The following DRC9 variants were observed in gnomAD, a reference collection of about 807,000 sequenced individuals.
The protein encoded by DRC9 is dynein regulatory complex subunit 9, also known as dynein regulatory complex protein 9.
the DRC9 span, chr3:197,950,754 T>C: frequency 1.6e-6 from 1 of 618,922 alleles, no homozygotes; most frequent in East Asian, 2.7e-5. Flanking sequence ...CCAGCTGTTC[T>C]CTGAGGTTTG....
chr3:197,938,732 T>C, the DRC9 span: 367 of 1,613,962 alleles, frequency 2.3e-4, no homozygotes, highest in Non-Finnish European at 2.8e-4. Context: ...GTTGAGGCCA[T>C]TGGAAGTTTG....
At chr3:197,921,732 G>A in the DRC9 span, among the ~76,000 whole-genome samples, 1 of 148,786 alleles carries the variant, frequency 6.7e-6, no homozygotes, top group African/African-American at 2.5e-5. Flanking sequence ...TTTCATCTTG[G>A]TCGACCCGAC....
chr3:197,954,033 C>T, the DRC9 span: 1 of 1,613,606 alleles, frequency 6.2e-7, no homozygotes, highest in Non-Finnish European at 8.5e-7. Flanking sequence ...GCAAACCAAA[C>T]AAAACCAGAG....
the DRC9 span, chr3:197,889,691 A>C: frequency 6.2e-7 from 1 of 1,614,198 alleles, no homozygotes; most frequent in South Asian, 1.1e-5. Flanking sequence ...TCCGTATCAT[A>C]GTGCCTCGCC....
chr3:197,895,249 G>T, the DRC9 span, among the ~76,000 whole-genome samples: 3 of 152,014 alleles, frequency 2.0e-5, no homozygotes, highest in Non-Finnish European at 2.9e-5. Flanking sequence ...GGTATTTTTT[G>T]CAATTCTATT....
the DRC9 span, among the ~76,000 whole-genome samples, chr3:197,946,235 A>G: frequency 6.6e-6 from 1 of 151,372 alleles, no homozygotes; most frequent in African/African-American, 2.4e-5. Flanking sequence ...GGAGATCGAG[A>G]CCATCCTGGC....
At chr3:197,945,680 C>A in the DRC9 span, 4 of 1,382,028 alleles carry the variant, frequency 2.9e-6, no homozygotes, top group Non-Finnish European at 4.0e-6. Context: ...CACAAAAGTG[C>A]AGTTACCTAA....
the DRC9 span, among the ~76,000 whole-genome samples, chr3:197,932,558 C>T: frequency 6.6e-6 from 1 of 151,528 alleles, no homozygotes; most frequent in Admixed American, 6.6e-5. Flanking sequence ...TTGCTGGAAC[C>T]CGGGAGGTGG....
At chr3:197,932,410 G>A in the DRC9 span, 5 of 728,274 alleles carry the variant, frequency 6.9e-6, no homozygotes, top group South Asian at 1.7e-5. Context: ...TGAGGCAGGC[G>A]GATCACGAGG....
the DRC9 span, among the ~76,000 whole-genome samples, chr3:197,915,179 A>G: frequency 1.3e-5 from 2 of 150,082 alleles, no homozygotes; most frequent in East Asian, 3.9e-4. Context: ...AAAAAAAAAA[A>G]AAGAAAAGAA....
chr3:197,890,152 T>C, the DRC9 span, among the ~76,000 whole-genome samples: 3 of 152,224 alleles, frequency 2.0e-5, no homozygotes, highest in Non-Finnish European at 4.4e-5. Flanking sequence ...CCCAGCACTT[T>C]GGGAGGCTGA....
At chr3:197,925,159 GT>G in the DRC9 span, among the ~76,000 whole-genome samples, 1 of 151,474 alleles carries the variant, frequency 6.6e-6, no homozygotes, top group Admixed American at 6.6e-5. Flanking sequence ...AAGGCCCCCT[GT>G]GGGGGAGGGT....
the DRC9 span, chr3:197,959,803 AGTT>A: frequency 5.9e-6 from 1 of 168,310 alleles, no homozygotes; most frequent in Non-Finnish European, 1.3e-5. Context: ...ATGGGCCTAA[AGTT>A]GGTGACTCAG....
chr3:197,914,177 G>T, the DRC9 span: 1 of 746,252 alleles, frequency 1.3e-6, no homozygotes. Context: ...TCACACAATG[G>T]GAAATTTAGC....
the DRC9 span, among the ~76,000 whole-genome samples, chr3:197,928,635 C>T: frequency 6.6e-6 from 1 of 152,252 alleles, no homozygotes; most frequent in East Asian, 1.9e-4. Flanking sequence ...CAGGCGTGAG[C>T]CACCATGCCT....
chr3:197,909,524 G>C, the DRC9 span, among the ~76,000 whole-genome samples: 1 of 152,140 alleles, frequency 6.6e-6, no homozygotes, highest in Admixed American at 6.5e-5. Context: ...GAAAAACCTG[G>C]AAACAACCTA....
chr3:197,950,900 G>A, the DRC9 span: 2 of 1,609,606 alleles, frequency 1.2e-6, no homozygotes, highest in Non-Finnish European at 1.7e-6. Flanking sequence ...AACTTGTGTG[G>A]CTTGGTTTTA....
chr3:197,945,132 G>A, the DRC9 span, among the ~76,000 whole-genome samples: 6 of 152,162 alleles, frequency 3.9e-5, no homozygotes, highest in Non-Finnish European at 1.5e-5. Flanking sequence ...AGAAGGTTAC[G>A]GTGGGGATGA....
the DRC9 span, among the ~76,000 whole-genome samples, chr3:197,898,532 T>C: frequency 6.6e-6 from 1 of 152,194 alleles, no homozygotes; most frequent in Non-Finnish European, 1.5e-5. Context: ...AGATGGTGTA[T>C]TAGTCTGTTC....
Sources: allele counts gnomAD v4.1 joint callset (sites outside exome capture counted in the v4.1 genomes callset), GRCh38; gene constraint gnomAD v4.1.1; transcripts MANE v1.5; gene names NCBI Gene and HGNC (gene_info 2026-07-23, HGNC 2026-07-21).